The following AP3B1 variants were observed in gnomAD, a reference collection of about 807,000 sequenced individuals.
The protein encoded by AP3B1 is adaptor related protein complex 3 subunit beta 1.
A neutral mutation model predicts 132.5 loss-of-function variants in AP3B1; 61 were observed. The observed-to-expected ratio is 0.46, with a 90% CI of 0.37 to 0.57. The LOEUF (loss-of-function observed/expected upper bound fraction) is 0.57, where lower values mean the gene tolerates loss of function less well. AP3B1 is among the 20% of genes least tolerant of loss of function. The pLI is 0.00. For missense variants in AP3B1, 1,120 were observed against 1,289.4 expected (o/e 0.87, Z 2.01); for synonymous variants, 388 against 438.3 (o/e 0.89, Z 1.43).
intron 5 of AP3B1, 146 bp from the exon 6 acceptor site, chr5:78,225,754 TG>T: frequency 1.7e-6 from 1 of 577,946 alleles, no homozygotes; most frequent in South Asian, 2.2e-5. Flanking sequence ...ACAAATAAAA[TG>T]GGATGGTTTT....
chr5:78,258,108 T>G (rs1180537561), intron 2 of AP3B1, among the ~76,000 whole-genome samples: 1 of 152,194 alleles, frequency 6.6e-6, no homozygotes, highest in Non-Finnish European at 1.5e-5. Flanking sequence ...GGGCAAAGAT[T>G]TCTTGAGTAA....
intron 15 of AP3B1, among the ~76,000 whole-genome samples, chr5:78,136,699 C>T (rs889655655): frequency 6.6e-6 from 1 of 150,738 alleles, no homozygotes; most frequent in South Asian, 2.1e-4. Context: ...CCATTTAACA[C>T]GTGTAAAATT....
At chr5:78,267,696 A>G (rs547993388) in intron 1 of AP3B1, 101 bp from the exon 2 acceptor site, 1 of 720,546 alleles carries the variant, frequency 1.4e-6, no homozygotes, top group Non-Finnish European at 2.2e-6. Context: ...ATCATGGGCA[A>G]TGTTAAATAA....
chr5:78,283,318 A>C (rs148507754), intron 1 of AP3B1, among the ~76,000 whole-genome samples: 57 of 152,306 alleles, frequency 3.7e-4, no homozygotes, highest in Non-Finnish European at 5.3e-4. Context: ...TCAACAAACC[A>C]CACAATAAAC....
chr5:78,039,789 A>G (rs1277017013), intron 22 of AP3B1, among the ~76,000 whole-genome samples: 1 of 146,296 alleles, frequency 6.8e-6, no homozygotes, highest in African/African-American at 2.5e-5. Context: ...AAAAAAAAAA[A>G]AAAGAAAAGA....
chr5:78,219,008 C>T (rs962116020), intron 6 of AP3B1, among the ~76,000 whole-genome samples: 8 of 152,198 alleles, frequency 5.3e-5, no homozygotes, highest in African/African-American at 1.9e-4. Context: ...GTTTTTTGCA[C>T]ATAACGGTGG....
At chr5:78,169,027 A>G (rs973389913) in intron 11 of AP3B1, among the ~76,000 whole-genome samples, 1 of 152,140 alleles carries the variant, frequency 6.6e-6, no homozygotes, top group African/African-American at 2.4e-5. Context: ...TGAATAGTCC[A>G]TAGTCCATCC....
At chr5:78,184,248 T>C (rs1055200964) in intron 7 of AP3B1, among the ~76,000 whole-genome samples, 1 of 150,354 alleles carries the variant, frequency 6.7e-6, no homozygotes, top group East Asian at 2.0e-4. Context: ...GACTGGCAAA[T>C]ACAAGAACCA....
At chr5:78,179,561 G>C (rs1744283129) in intron 8 of AP3B1, among the ~76,000 whole-genome samples, 1 of 152,088 alleles carries the variant, frequency 6.6e-6, no homozygotes, top group Non-Finnish European at 1.5e-5. Context: ...CAACCTTATA[G>C]ACCTTCTACA....
chr5:78,285,190 A>G (rs1741463259), intron 1 of AP3B1, among the ~76,000 whole-genome samples: 2 of 151,618 alleles, frequency 1.3e-5, no homozygotes, highest in African/African-American at 4.8e-5. Context: ...CGGAGCTTGC[A>G]GTGAGTCGAG....
chr5:78,123,136 C>T (rs957895335), intron 17 of AP3B1, among the ~76,000 whole-genome samples: 1 of 152,260 alleles, frequency 6.6e-6, no homozygotes, highest in Non-Finnish European at 1.5e-5. Flanking sequence ...GGAAAACTGG[C>T]TAGCCAGATG....
At chr5:78,119,335 A>G (rs1338280363) in intron 17 of AP3B1, among the ~76,000 whole-genome samples, 1 of 152,234 alleles carries the variant, frequency 6.6e-6, no homozygotes, top group Admixed American at 6.5e-5. Flanking sequence ...ACAAAGCTGG[A>G]CGGAGAATGA....
intron 2 of AP3B1, among the ~76,000 whole-genome samples, chr5:78,252,453 A>G (rs1345093566): frequency 6.6e-6 from 1 of 152,180 alleles, no homozygotes; most frequent in African/African-American, 2.4e-5. Context: ...AAGGGAGCCC[A>G]CTGTCCTGAA....
intron 24 of AP3B1, 143 bp downstream of exon 24, chr5:78,034,218 A>T: frequency 1.4e-6 from 1 of 697,898 alleles, no homozygotes; most frequent in Non-Finnish European, 2.6e-6. Flanking sequence ...AACTATTCCA[A>T]GGCAGTCTAA....
intron 14 of AP3B1, among the ~76,000 whole-genome samples, chr5:78,144,133 C>T (rs1580403716): frequency 6.6e-6 from 1 of 152,110 alleles, no homozygotes; most frequent in Non-Finnish European, 1.5e-5. Flanking sequence ...GGTACAGACA[C>T]ACACACAGAG....
intron 22 of AP3B1, among the ~76,000 whole-genome samples, chr5:78,083,986 T>A (rs252758): frequency 0.29 from 44,744 of 152,076 alleles, 7,656 homozygotes; most frequent in African/African-American, 0.47. Context: ...AAGTCATCAT[T>A]TAAACTAAAA....
At chr5:78,289,709 C>T (rs1281879567) in intron 1 of AP3B1, among the ~76,000 whole-genome samples, 1 of 152,018 alleles carries the variant, frequency 6.6e-6, no homozygotes, top group African/African-American at 2.4e-5. Flanking sequence ...TGTGTTTTCC[C>T]ACCCTTCTGA....
At chr5:78,292,185 T>C (rs1749552985) in intron 1 of AP3B1, among the ~76,000 whole-genome samples, 1 of 152,200 alleles carries the variant, frequency 6.6e-6, no homozygotes, top group African/African-American at 2.4e-5. Flanking sequence ...GTTTTTTATA[T>C]AAACTTTGTC....
chr5:78,115,880 GT>G (rs1392075897), intron 18 of AP3B1: 5 of 463,778 alleles, frequency 1.1e-5, no homozygotes, highest in Non-Finnish European at 2.0e-5. Context: ...AAAAGTATGA[GT>G]TCCTGTTTCA....
Sources: gnomAD v4.1 joint callset for allele counts (sites outside exome capture counted in the v4.1 genomes callset) on GRCh38, gnomAD v4.1.1 for gene constraint, MANE v1.5 for transcripts, NCBI Gene and HGNC (gene_info 2026-07-23, HGNC 2026-07-21) for gene names.